Variants in DNAJA3 observed in about 807,000 individuals in gnomAD.
The protein encoded by DNAJA3 is dnaJ homolog subfamily A member 3, mitochondrial.
Under a neutral mutation model 54.9 loss-of-function variants are expected in DNAJA3, and 29 were observed. The observed-to-expected ratio is 0.53, with a 90% CI of 0.39 to 0.72. DNAJA3 has a LOEUF of 0.72. Ranked by LOEUF, DNAJA3 falls within the 30% of genes least tolerant of loss-of-function variation. DNAJA3 has a pLI of 0.00. For missense variants in DNAJA3, 708 were observed against 639.4 expected, an observed-to-expected ratio of 1.11 and a Z score of -1.16; for synonymous variants, 302 against 251.4, an observed-to-expected ratio of 1.20 and a Z score of -1.90.
chr16:4,439,243 C>T (rs888251390), intron 3 of DNAJA3, among the ~76,000 whole-genome samples: 92 of 151,954 alleles, frequency 6.1e-4, no homozygotes, highest in African/African-American at 2.2e-3. Flanking sequence ...TGCCTGTAAT[C>T]CCAGCTATTC....
At chr16:4,434,743 G>T (rs1176549638) in intron 2 of DNAJA3, among the ~76,000 whole-genome samples, 2 of 152,080 alleles carry the variant, frequency 1.3e-5, no homozygotes, top group African/African-American at 4.8e-5. Context: ...GAGATTTTAA[G>T]AAGTTTTTTT....
intron 9 of DNAJA3, chr16:4,450,087 C>T (rs1024027156): frequency 7.7e-6 from 2 of 259,960 alleles, no homozygotes; most frequent in African/African-American, 4.4e-5. Flanking sequence ...TGCGCCTGGC[C>T]TAATTAGATA....
chr16:4,438,202 A>G (rs931074607), intron 3 of DNAJA3, among the ~76,000 whole-genome samples: 1 of 152,080 alleles, frequency 6.6e-6, no homozygotes, highest in Non-Finnish European at 1.5e-5. Context: ...CTGTAGTCCC[A>G]GGTGCTGGGG....
intron 9 of DNAJA3, 61 bp from the exon 10 acceptor site, chr16:4,450,339 G>T: frequency 7.0e-7 from 1 of 1,433,814 alleles, no homozygotes; most frequent in South Asian, 1.2e-5. Context: ...CTGGCTGCCT[G>T]TGAGTTCTTT....
intron 1 of DNAJA3, chr16:4,431,467 C>T (rs573373233): frequency 1.3e-5 from 2 of 152,326 alleles, no homozygotes; most frequent in African/African-American, 4.8e-5. Flanking sequence ...CCTATCCATT[C>T]TCCTGTCTGA....
At chr16:4,435,632 G>T (rs1195876488) in intron 2 of DNAJA3, among the ~76,000 whole-genome samples, 1 of 152,094 alleles carries the variant, frequency 6.6e-6, no homozygotes, top group African/African-American at 2.4e-5. Context: ...AATGTTTTCA[G>T]GGTTCATCTG....
chr16:4,446,325 A>T (rs1428835404), intron 7 of DNAJA3, among the ~76,000 whole-genome samples: 2 of 144,186 alleles, frequency 1.4e-5, no homozygotes, highest in Non-Finnish European at 3.1e-5. Flanking sequence ...TTCAGTGCAA[A>T]CTTCATCTCC....
intron 3 of DNAJA3, chr16:4,440,286 A>T (rs1169001656): frequency 6.6e-6 from 1 of 152,022 alleles, no homozygotes; most frequent in Non-Finnish European, 1.5e-5. Flanking sequence ...AGACAAACAC[A>T]TAAAAAAAAG....
chr16:4,434,226 T>C, intron 1 of DNAJA3, 158 bp from the exon 2 acceptor site: 2 of 753,586 alleles, frequency 2.7e-6, no homozygotes, highest in Non-Finnish European at 4.2e-6. Flanking sequence ...GTGGGGATTA[T>C]GGGAACTAAA....
intron 1 of DNAJA3, among the ~76,000 whole-genome samples, chr16:4,429,766 G>A (rs552282341): frequency 6.6e-6 from 1 of 151,998 alleles, no homozygotes; most frequent in Non-Finnish European, 1.5e-5. Flanking sequence ...CGTGAAAGTC[G>A]GAGGTTGCCG....
At chr16:4,432,877 C>T (rs868049559) in intron 1 of DNAJA3, among the ~76,000 whole-genome samples, 14 of 152,078 alleles carry the variant, frequency 9.2e-5, no homozygotes, top group South Asian at 2.1e-4. Flanking sequence ...CACGGTGGCT[C>T]ACGCCGGTAA....
intron 1 of DNAJA3, among the ~76,000 whole-genome samples, chr16:4,428,597 C>G (rs1463617819): frequency 6.6e-6 from 1 of 152,182 alleles, no homozygotes; most frequent in Non-Finnish European, 1.5e-5. Flanking sequence ...AAACACTAAG[C>G]TTTGTGTGAA....
At chr16:4,430,280 G>A (rs1014037379) in intron 1 of DNAJA3, among the ~76,000 whole-genome samples, 2 of 151,928 alleles carry the variant, frequency 1.3e-5, no homozygotes, top group African/African-American at 4.8e-5. Context: ...GAAAGCAGTT[G>A]TTGGTGGCCA....
intron 10 of DNAJA3, among the ~76,000 whole-genome samples, chr16:4,452,335 C>T (rs925570151): frequency 6.6e-6 from 1 of 152,150 alleles, no homozygotes; most frequent in Non-Finnish European, 1.5e-5. Context: ...GTCCTTCCCT[C>T]CTCCCGCCCA....
chr16:4,427,099 A>T (rs1271356082), intron 1 of DNAJA3: 4 of 152,082 alleles, frequency 2.6e-5, no homozygotes, highest in Admixed American at 6.6e-5. Context: ...TGTATCTTTA[A>T]TAGAGACGGG....
intron 7 of DNAJA3, among the ~76,000 whole-genome samples, chr16:4,446,092 T>C (rs1188336592): frequency 6.6e-6 from 1 of 151,432 alleles, no homozygotes; most frequent in Non-Finnish European, 1.5e-5. Context: ...CAGGTAATTT[T>C]TGTATTTTTA....
intron 7 of DNAJA3, among the ~76,000 whole-genome samples, 167 bp downstream of exon 7, chr16:4,444,895 T>C (rs142010884): frequency 4.9e-4 from 75 of 152,312 alleles, no homozygotes; most frequent in African/African-American, 1.7e-3. Flanking sequence ...GTTTGTTACC[T>C]TCAAGATTCT....
Position 4,442,334 on chromosome 16 carries a change from A to G in DNAJA3, c.697A>G (p.Met233Val). The G allele has an allele frequency of 1.2e-6, 2 of 1,609,426 alleles. No individual in the cohort carries two copies. The highest frequency in any genetic ancestry group is 8.5e-7 in the Non-Finnish European group (1 of 1,177,806). The change falls in exon 5 of 12, where the codon ATG becomes GTG. Residue 233 changes from methionine (M) to valine (V), a missense_variant. By Grantham distance (21) the Met-to-Val change is conservative. Transcript: ENST00000262375. ...CAACAAGGAGTTCACCGTGAACATCATGGACACGTGTGAGCGCTGCAACGG... is the reference window on the plus strand; with the variant it reads ...CAACAAGGAGTTCACCGTGAACATCGTGGACACGTGTGAGCGCTGCAACGG... ...GVNKEFTVNI[M>V]DTCERCNGKG...
At chr16:4,453,968 C>T (rs1002495663) in intron 10 of DNAJA3, among the ~76,000 whole-genome samples, 11 of 152,334 alleles carry the variant, frequency 7.2e-5, no homozygotes, top group Middle Eastern at 3.4e-3. Context: ...CAAAAGTGTG[C>T]ACTCCTTGTC....
Sources: gnomAD v4.1 joint callset for allele counts (sites outside exome capture counted in the v4.1 genomes callset) on GRCh38, gnomAD v4.1.1 for gene constraint, MANE v1.5 for transcripts, NCBI Gene and HGNC (gene_info 2026-07-23, HGNC 2026-07-21) for gene names.